Variants in ARHGEF3 observed in about 807,000 individuals in gnomAD.
ARHGEF3 encodes the protein Rho guanine nucleotide exchange factor 3.
ARHGEF3 carries 28 observed loss-of-function variants against 63.2 expected under a neutral mutation model. The observed-to-expected ratio is 0.44, with a 90% confidence interval of 0.33 to 0.61. The LOEUF (loss-of-function observed/expected upper bound fraction) is 0.61, where lower values mean the gene tolerates loss of function less well. Among genes scored for constraint, ARHGEF3 ranks in the 20% least tolerant of loss-of-function variants. The pLI is 0.03. For synonymous variants in ARHGEF3, 266 were observed against 254.2 expected (o/e 1.05, Z -0.44); for missense variants, 533 against 659.3 (o/e 0.81, Z 2.10).
At chr3:57,028,246 T>C (rs546347477) in intron 2 of ARHGEF3, among the ~76,000 whole-genome samples, 1 of 127,274 alleles carries the variant, frequency 7.9e-6, no homozygotes, top group East Asian at 2.2e-4. Flanking sequence ...TGCACACGTA[T>C]GTTTATTGCA....
intron 7 of ARHGEF3, among the ~76,000 whole-genome samples, chr3:56,738,752 C>T: frequency 6.6e-6 from 1 of 152,088 alleles, no homozygotes; most frequent in South Asian, 2.1e-4. Flanking sequence ...TTAAATGTTA[C>T]AAAATGCTAG....
chr3:56,883,818 T>C (rs1313555027), intron 3 of ARHGEF3, among the ~76,000 whole-genome samples: 1 of 152,178 alleles, frequency 6.6e-6, no homozygotes, highest in Non-Finnish European at 1.5e-5. Flanking sequence ...TGAAGACATC[T>C]GTAGTCTTCA....
intron 1 of ARHGEF3, chr3:57,073,748 C>A: frequency 6.2e-7 from 1 of 1,614,204 alleles, no homozygotes; most frequent in Non-Finnish European, 8.5e-7. Context: ...CAGGAGACAC[C>A]TGGGAAATGA....
At chr3:57,048,459 T>C (rs1704548184) in intron 1 of ARHGEF3, among the ~76,000 whole-genome samples, 1 of 152,120 alleles carries the variant, frequency 6.6e-6, no homozygotes, top group Non-Finnish European at 1.5e-5. Flanking sequence ...ACAAAAGCCA[T>C]CTGGAAATGT....
intron 3 of ARHGEF3, among the ~76,000 whole-genome samples, chr3:56,893,889 C>A (rs1376751641): frequency 6.9e-6 from 1 of 145,516 alleles, no homozygotes; most frequent in Non-Finnish European, 1.5e-5. Context: ...TGTATTATAA[C>A]CAATCCTTAC....
At chr3:56,930,985 T>G (rs956100380) in intron 3 of ARHGEF3, among the ~76,000 whole-genome samples, 1 of 152,180 alleles carries the variant, frequency 6.6e-6, no homozygotes, top group Non-Finnish European at 1.5e-5. Context: ...GATGAGTATA[T>G]TTTTAAAAGA....
At chr3:56,944,564 G>GTTTGTTTTT (rs1442731900) in intron 3 of ARHGEF3, among the ~76,000 whole-genome samples, 2 of 87,928 alleles carry the variant, frequency 2.3e-5, no homozygotes, top group South Asian at 3.8e-4. Flanking sequence ...AAAGAAAGTG[G>GTTTGTTTTT]TTTCTTTTTT....
chr3:56,812,894 G>C (rs1404917081), intron 4 of ARHGEF3, among the ~76,000 whole-genome samples: 1 of 152,234 alleles, frequency 6.6e-6, no homozygotes, highest in Non-Finnish European at 1.5e-5. Context: ...TTCTGGTTTA[G>C]AGACAATACA....
At chr3:56,740,618 G>A (rs1350784987) in intron 7 of ARHGEF3, among the ~76,000 whole-genome samples, 2 of 152,198 alleles carry the variant, frequency 1.3e-5, no homozygotes, top group Non-Finnish European at 2.9e-5. Flanking sequence ...GAGGATTCCT[G>A]CCTTCAAGAA....
At chr3:56,779,102 T>G (rs1037114642) in intron 1 of ARHGEF3, among the ~76,000 whole-genome samples, 1 of 152,302 alleles carries the variant, frequency 6.6e-6, no homozygotes, top group South Asian at 2.1e-4. Context: ...TAAGCTTGAT[T>G]TGCATATTCT....
At chr3:56,775,620 T>G in intron 1 of ARHGEF3, 1 of 985,536 alleles carries the variant, frequency 1.0e-6, no homozygotes, top group Non-Finnish European at 1.2e-6. Flanking sequence ...GTGACAATGA[T>G]TTAAGTGCTG....
At position 56,919,470 on chromosome 3, in the gene ARHGEF3, C is replaced by T. The variant is rs140607059; in HGVS notation, c.130-37116G>A. Among the ~76,000 whole-genome samples the T allele has an allele frequency of 1.0e-3, 159 of 152,286 alleles. 1 individual carries two copies. The highest frequency in any genetic ancestry group is 3.5e-3 in the African/African-American group (145 of 41,548). On this transcript the variant is annotated intron_variant, in intron 3 of 12. Transcript: ENST00000338458. ...ACATCCAGGGCATCTTTCCCTGTCA[C>T]GCACATTTTTGACCTCTTACTGCAG...
chr3:56,729,436 G>A lies in ARHGEF3; in HGVS notation c.1415C>T (p.Thr472Ile). 1 of 1,614,130 alleles carries A rather than the reference G, an allele frequency of 6.2e-7. No individual in the cohort carries two copies. Among genetic ancestry groups the A allele is most frequent in the African/African-American group, 1.3e-5 (1 of 75,022 alleles). Residue 472 changes from threonine (T) to isoleucine (I), a missense_variant, in exon 10 of 10, where the codon ACC becomes ATC. Physicochemically the swap from Thr to Ile is moderately conservative, Grantham distance 89. This residue lies in a region of ARHGEF3 where 115 missense variants were observed against 103.4 expected (regional missense o/e 1.11). Transcript: ENST00000296315. Reference protein sequence around the residue: ...DSEGSFLNPTTGSRELQGETK... With the variant: ...DSEGSFLNPTIGSRELQGETK... Reference sequence around the variant, plus strand: ...TTCTCCCTGTAGCTCTCTGCTCCCGGTGGTGGGATTTAGGAACGATCCCTC... The same window carrying A: ...TTCTCCCTGTAGCTCTCTGCTCCCGATGGTGGGATTTAGGAACGATCCCTC...
intron 1 of ARHGEF3, among the ~76,000 whole-genome samples, chr3:56,777,395 A>G (rs2036334244): frequency 1.3e-5 from 2 of 152,246 alleles, no homozygotes; most frequent in Admixed American, 6.5e-5. Flanking sequence ...ACAATTTAAA[A>G]TATCTTGTGT....
intron 2 of ARHGEF3, among the ~76,000 whole-genome samples, chr3:57,027,465 T>C (rs1446361213): frequency 6.6e-6 from 1 of 152,206 alleles, no homozygotes; most frequent in African/African-American, 2.4e-5. Flanking sequence ...AGAGGGGCTC[T>C]GTGCTCTGGT....
intron 2 of ARHGEF3, among the ~76,000 whole-genome samples, chr3:56,975,461 T>C (rs1269563375): frequency 6.6e-6 from 1 of 152,148 alleles, no homozygotes; most frequent in Non-Finnish European, 1.5e-5. Context: ...GAACCAGTGC[T>C]TACAGAGGGC....
Position 56,927,843 on chromosome 3 carries a change from G to C in ARHGEF3, c.129+30980C>G, listed in dbSNP as rs139584429. Among the ~76,000 whole-genome samples the C allele has an allele frequency of 4.6e-3, 697 of 152,320 alleles. 6 individuals carry two copies. Among genetic ancestry groups the C allele is most frequent in the African/African-American group, 0.016 (650 of 41,568 alleles). ...GGATAACAATAGTACTGCCTTCACAGTTTGTGTCAAGCACTGGTGCTCAAT... is the reference window on the plus strand; with the variant it reads ...GGATAACAATAGTACTGCCTTCACACTTTGTGTCAAGCACTGGTGCTCAAT... On this transcript the variant is annotated intron_variant, in intron 3 of 12. Coordinates refer to the ARHGEF3 transcript ENST00000338458.
intron 4 of ARHGEF3, among the ~76,000 whole-genome samples, chr3:56,817,171 C>T (rs949872737): frequency 5.3e-5 from 8 of 152,208 alleles, no homozygotes; most frequent in Non-Finnish European, 1.2e-4. Context: ...CTCAGAACTT[C>T]AGTTTCCTCA....
chr3:56,840,728 A>C (rs1249500974), intron 4 of ARHGEF3, among the ~76,000 whole-genome samples: 1 of 152,194 alleles, frequency 6.6e-6, no homozygotes, highest in East Asian at 1.9e-4. Context: ...TGAAAGAGCA[A>C]CCAGGAGTGC....
Sources: allele counts gnomAD v4.1 joint callset (sites outside exome capture counted in the v4.1 genomes callset), GRCh38; gene constraint gnomAD v4.1.1; regional missense constraint gnomAD v4.1.1; transcripts MANE v1.5; gene names NCBI Gene and HGNC (gene_info 2026-07-23, HGNC 2026-07-21).